The following SUPT5H variants were observed in gnomAD, a reference collection of about 807,000 sequenced individuals.
SUPT5H encodes SPT5 homolog, DSIF elongation factor subunit.
SUPT5H carries 24 observed loss-of-function variants against 142.5 expected under a neutral mutation model. That is an observed-to-expected ratio of 0.17 (90% confidence interval 0.12 to 0.24). SUPT5H has a LOEUF of 0.24. SUPT5H is among the 10% of genes least tolerant of loss of function. The pLI is 1.00. For synonymous variants in SUPT5H, 546 were observed against 553.0 expected, an observed-to-expected ratio of 0.99 and a Z score of 0.18; for missense variants, 893 against 1,471.8, an observed-to-expected ratio of 0.61 and a Z score of 6.43.
In SUPT5H at chr19:39,470,388, C is replaced by T. The variant is rs753070624; in HGVS notation, c.1542C>T (p.Leu514=). ...ACCATCCCTGGCAGCTGAAGGTGCTCCCCCGGGACCTGCAGCTCTGCTCAG... is the reference window on the plus strand; with the variant it reads ...ACCATCCCTGGCAGCTGAAGGTGCTTCCCCGGGACCTGCAGCTCTGCTCAG... The part of the protein sequence containing the change: ...SDLTMHELKV[L]PRDLQLCSET... Residue 514 remains leucine (L), a synonymous_variant, in exon 18 of 30, where the codon CTC becomes CTT. Transcript: ENST00000432763. This position sits in a 1 kb window ranked among gnomAD's most constrained non-coding sequence, Gnocchi z 5.8. 1.3e-6 allele frequency: 2 copies of T among 1,574,130 alleles called. No individual in the cohort carries two copies. The highest frequency in any genetic ancestry group is 2.3e-5 in the South Asian group (2 of 85,614).
chr19:39,468,976 C>T (rs1241461399), intron 14 of SUPT5H, 103 bp from the exon 15 acceptor site: 70 of 1,557,800 alleles, frequency 4.5e-5, no homozygotes, highest in Non-Finnish European at 6.2e-5. Flanking sequence ...AGGAGTGTTC[C>T]CTAGGAGAAT....
rs2079369113 is a variant in SUPT5H, at chr19:39,474,218, T to C, written c.2652-16T>C. 6.2e-7 allele frequency: 1 copy of C among 1,613,616 alleles called. No individual in the cohort carries two copies. The highest frequency in any genetic ancestry group is 1.7e-5 in the Admixed American group (1 of 59,966). On this transcript the variant is annotated splice_polypyrimidine_tract_variant and intron_variant, in intron 26 of 29. Coordinates refer to ENST00000432763, the MANE Select transcript of SUPT5H (RefSeq NM_001111020.3). This position sits in a 1 kb window ranked among gnomAD's most constrained non-coding sequence, Gnocchi z 6.5. ...CCCTCCTCCAACAAATGCCCCCTTCTCTCCTGTCTCTGCAGGTACAACACA... is the reference window on the plus strand; with the variant it reads ...CCCTCCTCCAACAAATGCCCCCTTCCCTCCTGTCTCTGCAGGTACAACACA...
At position 39,462,729 on chromosome 19, in the gene SUPT5H, G is replaced by A. The variant is rs908654892; in HGVS notation, c.625-2069G>A. Reference sequence around the variant, plus strand: ...TGTTTTTAGTAGAGATAGGGTTTCAGCATGTTGGCCAGGCTGGTCTCGAAC... The same window carrying A: ...TGTTTTTAGTAGAGATAGGGTTTCAACATGTTGGCCAGGCTGGTCTCGAAC... On this transcript the variant is annotated intron_variant, in intron 10 of 29. Coordinates refer to ENST00000432763, the MANE Select transcript of SUPT5H (RefSeq NM_001111020.3). Among the ~76,000 whole-genome samples the A allele has an allele frequency of 4.6e-5, 7 of 150,988 alleles. No individual in the cohort carries two copies. In the East Asian group the frequency reaches 9.8e-4, roughly 21 times the overall value.
In SUPT5H at chr19:39,470,570, C is replaced by T. The variant is rs2079305405; in HGVS notation, c.1677+47C>T. 4 of 1,473,982 alleles carry T rather than the reference C, an allele frequency of 2.7e-6. No individual in the cohort carries two copies. Among genetic ancestry groups the T allele is most frequent in the African/African-American group, 1.4e-5 (1 of 70,092 alleles). The allele number at this position is 1,473,982 out of a possible 1,614,324, so 91.3% of individuals were successfully genotyped here. A position where few individuals can be genotyped will look rare whatever the true frequency, so the allele number is the denominator to read the frequency against. Reference sequence around the variant, plus strand: ...GCGGGGACTTGCTTTTAGGAGGCTTCCTGTCCCTCAACCCCTCATCCTGGG... The same window carrying T: ...GCGGGGACTTGCTTTTAGGAGGCTTTCTGTCCCTCAACCCCTCATCCTGGG... On this transcript the variant is annotated intron_variant, in intron 18 of 29. Transcript: ENST00000432763. This position sits in a 1 kb window ranked among gnomAD's most constrained non-coding sequence, Gnocchi z 5.8.
intron 10 of SUPT5H, among the ~76,000 whole-genome samples, chr19:39,463,009 T>TA (rs1429910822): frequency 2.1e-5 from 3 of 145,088 alleles, no homozygotes; most frequent in Non-Finnish European, 4.6e-5. Context: ...CCAGCTAATT[T>TA]TTTTTTTTTT....
chr19:39,461,821 CAAAAAA>C (rs747295729), intron 10 of SUPT5H, among the ~76,000 whole-genome samples: 12 of 128,424 alleles, frequency 9.3e-5, no homozygotes, highest in Admixed American at 2.3e-4. Flanking sequence ...GAGACTGTCT[CAAAAAA>C]AAAAAAAAAA....
intron 2 of SUPT5H, among the ~76,000 whole-genome samples, chr19:39,446,902 G>A (rs1568415775): frequency 6.6e-6 from 1 of 152,210 alleles, no homozygotes; most frequent in South Asian, 2.1e-4. Context: ...CCAGCTACTC[G>A]GGAGGCTGAA....
Position 39,472,432 on chromosome 19 carries a change from C to T in SUPT5H, c.1974C>T (p.Thr658=), listed in dbSNP as rs544448135. ...GSKPRDVTNF[T]VGGFAPMSPR... is the part of the protein sequence containing the mutation. ...AGCCCCGTGATGTGACCAACTTCAC[C>T]GTGGGTGGCTTTGCGCCTATGAGTC... The change falls in exon 21 of 30, where the codon ACC becomes ACT. Residue 658 remains threonine, a synonymous_variant. Transcript: ENST00000432763. This position sits in a 1 kb window ranked among gnomAD's most constrained non-coding sequence, Gnocchi z 4.2. 5.0e-5 allele frequency: 80 copies of T among 1,613,950 alleles called. No individual in the cohort carries two copies. Among genetic ancestry groups the T allele is most frequent in the East Asian group, 1.3e-4 (6 of 44,902 alleles).
At chr19:39,459,685 C>T in intron 9 of SUPT5H, 96 bp downstream of exon 9, 1 of 1,498,588 alleles carries the variant, frequency 6.7e-7, no homozygotes, top group Non-Finnish European at 9.2e-7. Context: ...TCTCCGTGGC[C>T]TGCCAGTCAC....
chr19:39,473,349 C>A lies in SUPT5H; in HGVS notation c.2386+19C>A. The A allele has an allele frequency of 2.5e-6, 4 of 1,613,628 alleles. No individual in the cohort carries two copies. The highest frequency in any genetic ancestry group is 3.4e-6 in the Non-Finnish European group (4 of 1,179,914). ...CAGGATGGTGAGTGCCCGCAGGGGA[C>A]AGGGAAGAGGGGCTAGGGGGACCTA... is the stretch of plus-strand genomic sequence containing the variant. On this transcript the variant is annotated intron_variant, in intron 24 of 29. Transcript: ENST00000432763. The surrounding 1 kb of genome is among the most constrained non-coding windows in gnomAD (Gnocchi z 5.8).
intron 10 of SUPT5H, among the ~76,000 whole-genome samples, chr19:39,464,029 A>G (rs7251652): frequency 0.6 from 88,130 of 147,130 alleles, 27,097 homozygotes; most frequent in African/African-American, 0.74. Flanking sequence ...TATTGCCCAG[A>G]CTGGAGTGCA....
At position 39,470,388 on chromosome 19, in the gene SUPT5H, C is replaced by A; in HGVS notation, c.1542C>A (p.Leu514=). Residue 514 remains leucine, a synonymous_variant, in exon 18 of 30, where the codon CTC becomes CTA. Coordinates refer to ENST00000432763, the MANE Select transcript of SUPT5H (RefSeq NM_001111020.3). This position sits in a 1 kb window ranked among gnomAD's most constrained non-coding sequence, Gnocchi z 5.8. The part of the protein sequence containing the change: ...SDLTMHELKV[L]PRDLQLCSET... ...ACCATCCCTGGCAGCTGAAGGTGCT[C>A]CCCCGGGACCTGCAGCTCTGCTCAG... is the stretch of plus-strand genomic sequence containing the variant. 1.3e-6 allele frequency: 2 copies of A among 1,574,130 alleles called. No individual in the cohort carries two copies. Among genetic ancestry groups the A allele is most frequent in the South Asian group, 1.2e-5 (1 of 85,614 alleles).
chr19:39,464,077 G>A (rs541351556), intron 10 of SUPT5H, among the ~76,000 whole-genome samples: 35 of 147,970 alleles, frequency 2.4e-4, no homozygotes, highest in African/African-American at 8.5e-4. Context: ...TCCACCTCCC[G>A]GGTTCAAGCG....
chr19:39,457,358 T>G (rs1210712474), intron 3 of SUPT5H, among the ~76,000 whole-genome samples: 1 of 152,244 alleles, frequency 6.6e-6, no homozygotes, highest in East Asian at 1.9e-4. Context: ...AAACTATTTA[T>G]TGATCATTTT....
rs1012744791 is a variant in SUPT5H, at chr19:39,471,624, G to A, written c.1844G>A (p.Arg615His). The change falls in exon 20 of 30, where the codon CGC becomes CAC. Residue 615 changes from arginine to histidine, a missense_variant. Physicochemically the swap from Arg to His is conservative, Grantham distance 29 (BLOSUM62 0). Transcript: ENST00000432763. The stretch of plus-strand genomic sequence containing the variant: ...GGCTAGGGCCGAGAAGGGGAGATTC[G>A]CCATCTCTTCCGAAGCTTCGCCTTC... ...GPHSGREGEI[R>H]HLFRSFAFLH... The A allele has an allele frequency of 6.2e-6, 10 of 1,614,086 alleles. No homozygotes were observed. Among genetic ancestry groups the A allele is most frequent in the Admixed American group, 3.3e-5 (2 of 60,000 alleles).
chr19:39,463,957 A>G (rs1215628310), intron 10 of SUPT5H, among the ~76,000 whole-genome samples: 1 of 143,652 alleles, frequency 7.0e-6, no homozygotes, highest in Non-Finnish European at 1.5e-5. Flanking sequence ...TGATGTAAGC[A>G]CTCCTTTCTT....
intron 10 of SUPT5H, among the ~76,000 whole-genome samples, chr19:39,461,135 C>T (rs754580026): frequency 1.3e-5 from 2 of 151,852 alleles, no homozygotes; most frequent in Non-Finnish European, 2.9e-5. Flanking sequence ...ACCAAAAATA[C>T]AAAAATCAGC....
chr19:39,457,778 G>A (rs1300759434), intron 4 of SUPT5H, 38 bp downstream of exon 4: 6 of 1,613,722 alleles, frequency 3.7e-6, no homozygotes, highest in Non-Finnish European at 3.4e-6. Flanking sequence ...CTACTGGGAA[G>A]AGGGTGGCTG....
chr19:39,465,844 G>C (rs772199224), intron 11 of SUPT5H, among the ~76,000 whole-genome samples: 12 of 152,144 alleles, frequency 7.9e-5, no homozygotes, highest in Non-Finnish European at 1.2e-4. Flanking sequence ...CCTAATACAC[G>C]TTGAGTGTCT....
Sources: allele counts gnomAD v4.1 joint callset (sites outside exome capture counted in the v4.1 genomes callset), GRCh38; gene constraint gnomAD v4.1.1; non-coding constraint Gnocchi (gnomAD v3.1); transcripts MANE v1.5; gene names NCBI Gene and HGNC (gene_info 2026-07-23, HGNC 2026-07-21).